Variants in EHD3 observed in about 807,000 individuals in gnomAD.
EHD3 encodes EH domain-containing protein 3.
In EHD3, 17 loss-of-function variants were observed where a neutral mutation model predicts 43.0. The observed-to-expected ratio is 0.40, with a 90% CI of 0.27 to 0.59. EHD3 has a LOEUF of 0.59. EHD3 is among the 20% of genes least tolerant of loss of function. The pLI is 0.49. For missense variants in EHD3, 594 were observed against 705.6 expected, an observed-to-expected ratio of 0.84 and a Z score of 1.79; for synonymous variants, 313 against 289.5, an observed-to-expected ratio of 1.08 and a Z score of -0.82.
chr2:31,236,032 G>GT (rs1236921937), intron 1 of EHD3, among the ~76,000 whole-genome samples: 1 of 152,224 alleles, frequency 6.6e-6, no homozygotes, highest in East Asian at 1.9e-4. Flanking sequence ...TTCCTTGGCT[G>GT]TTTGAGCATC....
intron 2 of EHD3, among the ~76,000 whole-genome samples, chr2:31,246,501 A>G (rs1024858594): frequency 6.6e-6 from 1 of 152,136 alleles, no homozygotes; most frequent in African/African-American, 2.4e-5. Context: ...ATCACAAGAG[A>G]AGAGTACAGG....
intron 3 of EHD3, among the ~76,000 whole-genome samples, chr2:31,257,182 G>T (rs3754842): frequency 0.25 from 37,892 of 152,186 alleles, 5,843 homozygotes; most frequent in Admixed American, 0.35. Context: ...GCTGTTTGCA[G>T]AGGTGGGGGT....
Position 31,266,854 on chromosome 2 carries a change from A to T in EHD3, c.*150A>T. On this transcript the variant is annotated 3_prime_UTR_variant, in exon 6 of 6. Transcript: ENST00000322054. This position sits in a 1 kb window ranked among gnomAD's most constrained non-coding sequence, Gnocchi z 5.1. Reference sequence around the variant, plus strand: ...GCTCTGTAGGTGAGAGAGGACCATGACGCCCATGTTTGCAGCTGATACTTG... The same window carrying T: ...GCTCTGTAGGTGAGAGAGGACCATGTCGCCCATGTTTGCAGCTGATACTTG... 9.3e-7 allele frequency: 1 copy of T among 1,079,542 alleles called. No homozygotes were observed. The highest frequency in any genetic ancestry group is 1.3e-6 in the Non-Finnish European group (1 of 780,554). The allele number at this position is 1,079,542 out of a possible 1,614,324, so 66.9% of individuals were successfully genotyped here.
intron 1 of EHD3, among the ~76,000 whole-genome samples, chr2:31,243,460 C>CTTTCTTTTTTTTTTTTTT (rs1553402472): frequency 1.0e-4 from 10 of 98,474 alleles, no homozygotes; most frequent in African/African-American, 1.8e-4. Flanking sequence ...TTCTTTCTTT[C>CTTTCTTTTTTTTTTTTTT]TTTTTTTTTT....
chr2:31,258,580 T>TA (rs1475489020), intron 3 of EHD3, among the ~76,000 whole-genome samples: 1 of 152,202 alleles, frequency 6.6e-6, no homozygotes, highest in African/African-American at 2.4e-5. Context: ...GCCCATTGCT[T>TA]ACCAGCTGGG....
At chr2:31,243,472 T>TTTTA (rs1572463354) in intron 1 of EHD3, among the ~76,000 whole-genome samples, 2 of 144,234 alleles carry the variant, frequency 1.4e-5, no homozygotes, top group Admixed American at 6.9e-5. Flanking sequence ...TTTTTTTTTT[T>TTTTA]TGAGACAGAG....
At position 31,266,591 on chromosome 2, in the gene EHD3, G is replaced by A. The variant is rs750963219; in HGVS notation, c.1495G>A (p.Asp499Asn). The A allele has an allele frequency of 8.7e-6, 14 of 1,614,038 alleles. No individual in the cohort carries two copies. Among genetic ancestry groups the A allele is most frequent in the East Asian group, 2.2e-5 (1 of 44,888 alleles). ...TGACAAGGATGGCATGCTGGACGACGACGAGTTTGCACTGGCCAACCACCT... is the reference window on the plus strand; with the variant it reads ...TGACAAGGATGGCATGCTGGACGACAACGAGTTTGCACTGGCCAACCACCT... The part of the protein sequence containing the change: ...DIDKDGMLDD[D>N]EFALANHLIK... Residue 499 changes from aspartate to asparagine, a missense_variant, in exon 6 of 6, where the codon GAC (aspartate) becomes AAC (asparagine). Asp to Asn is a conservative substitution (Grantham distance 23). Transcript: ENST00000322054. The surrounding 1 kb of genome is among the most constrained non-coding windows in gnomAD (Gnocchi z 5.1).
In EHD3 at chr2:31,251,787, G is replaced by C. The variant is rs551126250; in HGVS notation, c.502+2319G>C. Among the ~76,000 whole-genome samples the C allele has an allele frequency of 9.2e-5, 14 of 152,212 alleles. No individual in the cohort carries two copies. The South Asian group carries it at 2.9e-3, about 32-fold the overall frequency. ...TGTAAGCACCTGGCTCCCTGTTAAG[G>C]GCCCTGTGGAGGGACAGCACGGGTG... On this transcript the variant is annotated intron_variant, in intron 3 of 5. Transcript: ENST00000322054.
chr2:31,249,433 G>C lies in EHD3; in HGVS notation c.467G>C (p.Gly156Ala). The change falls in exon 3 of 6, where the codon GGG becomes GCG. Residue 156 changes from glycine (G) to alanine (A), a missense_variant. Transcript: ENST00000322054. ...LESISVIDTP[G>A]ILSGEKQRIS... ...AGCATCAGCGTCATCGACACACCAGGGATCCTCTCTGGGGAGAAGCAGAGG... is the reference window on the plus strand; with the variant it reads ...AGCATCAGCGTCATCGACACACCAGCGATCCTCTCTGGGGAGAAGCAGAGG... 6.2e-7 allele frequency: 1 copy of C among 1,614,122 alleles called. No individual in the cohort carries two copies. The highest frequency in any genetic ancestry group is 8.5e-7 in the Non-Finnish European group (1 of 1,180,022).
chr2:31,243,460 C>CTTTCTTTCTTTT (rs1553402472), intron 1 of EHD3, among the ~76,000 whole-genome samples: 2 of 98,466 alleles, frequency 2.0e-5, no homozygotes, highest in African/African-American at 9.2e-5. Context: ...TTCTTTCTTT[C>CTTTCTTTCTTTT]TTTTTTTTTT....
In EHD3 at chr2:31,266,139, T is replaced by C; in HGVS notation, c.1081-38T>C. On this transcript the variant is annotated intron_variant, in intron 5 of 5. Transcript: ENST00000322054. This position sits in a 1 kb window ranked among gnomAD's most constrained non-coding sequence, Gnocchi z 5.1. ...TGATAAATGGAGGGCTCTCCTTTCATCGTATCCTATCTTCATCCTCTCTCC... is the reference window on the plus strand; with the variant it reads ...TGATAAATGGAGGGCTCTCCTTTCACCGTATCCTATCTTCATCCTCTCTCC... The C allele has an allele frequency of 6.4e-7, 1 of 1,570,770 alleles. No individual in the cohort carries two copies. The highest frequency in any genetic ancestry group is 1.7e-4 in the Middle Eastern group (1 of 5,854).
chr2:31,237,636 C>G (rs976965832), intron 1 of EHD3, among the ~76,000 whole-genome samples: 5 of 152,140 alleles, frequency 3.3e-5, no homozygotes, highest in African/African-American at 9.7e-5. Flanking sequence ...AACTCCTGAC[C>G]TCAGGGGATC....
rs771970516 is a variant in EHD3, at chr2:31,267,892, GC to G, written c.*1190del. On this transcript the variant is annotated 3_prime_UTR_variant, in exon 6 of 6. Coordinates refer to ENST00000322054, the MANE Select transcript of EHD3 (RefSeq NM_014600.3). ...CTGTCACGTCACAGAAGCAAACCGT[GC>G]CTTCTGGCTCTGCGCCCCATATTCC... is the stretch of plus-strand genomic sequence containing the variant. The G allele has an allele frequency of 5.3e-5, 8 of 152,250 alleles. No homozygotes were observed. Among genetic ancestry groups the G allele is most frequent in the Non-Finnish European group, 1.2e-4 (8 of 68,052 alleles). The allele number at this position is 152,250 out of a possible 1,614,324, so 9.4% of individuals were successfully genotyped here.
At chr2:31,253,401 G>A (rs974163271) in intron 3 of EHD3, among the ~76,000 whole-genome samples, 2 of 152,096 alleles carry the variant, frequency 1.3e-5, no homozygotes, top group Non-Finnish European at 2.9e-5. Flanking sequence ...GCCCAGGCAA[G>A]GACCGGACAC....
intron 3 of EHD3, among the ~76,000 whole-genome samples, chr2:31,250,329 C>G (rs7588625): frequency 6.7e-6 from 1 of 149,064 alleles, no homozygotes; most frequent in African/African-American, 2.5e-5. Flanking sequence ...TGCAGTGGCA[C>G]GATCTCAGCT....
chr2:31,234,693 G>C lies in EHD3; in HGVS notation c.72G>C (p.Gly24=), dbSNP rs199989328. ...DPEVFQTVSE[G]LKKLYKSKLL... is the part of the protein sequence containing the mutation. Reference sequence around the variant, plus strand: ...AGGTTTTCCAGACGGTGAGTGAGGGGCTCAAGAAACTCTACAAGAGCAAGC... The same window carrying C: ...AGGTTTTCCAGACGGTGAGTGAGGGCCTCAAGAAACTCTACAAGAGCAAGC... The change falls in exon 1 of 6, where the codon GGG becomes GGC. Residue 24 remains glycine (G), a synonymous_variant. Coordinates refer to ENST00000322054, the MANE Select transcript of EHD3 (RefSeq NM_014600.3). 1 of 1,614,220 alleles carries C rather than the reference G, an allele frequency of 6.2e-7. No homozygotes were observed. Among genetic ancestry groups the C allele is most frequent in the Non-Finnish European group, 8.5e-7 (1 of 1,180,034 alleles).
At position 31,240,853 on chromosome 2, in the gene EHD3, C is replaced by T. The variant is rs532047188; in HGVS notation, c.228-3421C>T. Among the ~76,000 whole-genome samples, 3 of 152,324 alleles carry T rather than the reference C, an allele frequency of 2.0e-5. No homozygotes were observed. In the East Asian group the frequency reaches 5.8e-4, roughly 29 times the overall value. On this transcript the variant is annotated intron_variant, in intron 1 of 5. Transcript: ENST00000322054. ...TCCCTGGAGCCTTTGATGATCCCTACTTCCCGCAATCCACTGTTGCTGCTC... is the reference window on the plus strand; with the variant it reads ...TCCCTGGAGCCTTTGATGATCCCTATTTCCCGCAATCCACTGTTGCTGCTC...
chr2:31,266,795 A>T lies in EHD3; in HGVS notation c.*91A>T. The T allele has an allele frequency of 9.7e-7, 1 of 1,034,846 alleles. No individual in the cohort carries two copies. The highest frequency in any genetic ancestry group is 1.4e-6 in the Non-Finnish European group (1 of 738,590). The allele number at this position is 1,034,846 out of a possible 1,614,324, so 64.1% of individuals were successfully genotyped here. A position where few individuals can be genotyped will look rare whatever the true frequency, so the allele number is the denominator to read the frequency against. ...ACACACACACACACACACACACACA[A>T]ACATGCACACACACATATGCATATC... On this transcript the variant is annotated 3_prime_UTR_variant, in exon 6 of 6. Coordinates refer to ENST00000322054, the MANE Select transcript of EHD3 (RefSeq NM_014600.3). The surrounding 1 kb of genome is among the most constrained non-coding windows in gnomAD (Gnocchi z 5.1).
Position 31,260,787 on chromosome 2 carries a change from C to G in EHD3, c.780C>G (p.His260Gln), listed in dbSNP as rs376729413. ...IRVYIGSFWS[H>Q]PLLIPDNRKL... ...TCTACATCGGCTCCTTCTGGTCCCACCCCCTCCTCATCCCTGACAACCGGA... is the reference window on the plus strand; with the variant it reads ...TCTACATCGGCTCCTTCTGGTCCCAGCCCCTCCTCATCCCTGACAACCGGA... The change falls in exon 4 of 6, where the codon CAC (histidine) becomes CAG (glutamine). Residue 260 changes from histidine to glutamine, a missense_variant. Physicochemically the swap from His to Gln is conservative, Grantham distance 24. This residue lies in a region of EHD3 where 29 missense variants were observed against 60.9 expected (regional missense o/e 0.48). Transcript: ENST00000322054. The surrounding 1 kb of genome is among the most constrained non-coding windows in gnomAD (Gnocchi z 4.6). 2.2e-5 allele frequency: 35 copies of G among 1,614,080 alleles called. No homozygotes were observed. The highest frequency in any genetic ancestry group is 2.9e-5 in the Non-Finnish European group (34 of 1,180,052).
Sources: allele counts gnomAD v4.1 joint callset (sites outside exome capture counted in the v4.1 genomes callset), GRCh38; gene constraint gnomAD v4.1.1; regional missense constraint gnomAD v4.1.1; non-coding constraint Gnocchi (gnomAD v3.1); transcripts MANE v1.5; gene names NCBI Gene and HGNC (gene_info 2026-07-23, HGNC 2026-07-21).